RTL4: variants seen among roughly 807,000 people sequenced by gnomAD.
RTL4 encodes the protein retrotransposon Gag-like protein 4.
Under a neutral mutation model 5.3 loss-of-function variants are expected in RTL4, and 4 were observed. The ratio of observed to expected loss-of-function variants is 0.75; its 90% CI spans 0.37 to 1.72. The LOEUF (loss-of-function observed/expected upper bound fraction) is 1.72, where lower values mean the gene tolerates loss of function less well. RTL4 is among the 40% of genes most tolerant of loss of function. The pLI, the probability that RTL4 is intolerant of heterozygous loss-of-function variation, is 0.04. For synonymous variants in RTL4, 98 were observed against 87.3 expected (o/e 1.12, Z -0.68); for missense variants, 260 against 227.1 (o/e 1.14, Z -0.93).
the RTL4 span, among the ~76,000 whole-genome samples, chrX:112,428,416 G>A: frequency 5.4e-5 from 6 of 111,881 alleles, no homozygotes; most frequent in Non-Finnish European, 1.1e-4. Flanking sequence ...TTTGACCCAT[G>A]TATTTTTTAG....
At chrX:112,254,230 G>A in the RTL4 span, among the ~76,000 whole-genome samples, 1 of 111,763 alleles carries the variant, frequency 8.9e-6, no homozygotes, top group Non-Finnish European at 1.9e-5. Context: ...ATTCTGTTTA[G>A]ATGATGTAAA....
chrX:112,288,151 G>A, the RTL4 span, among the ~76,000 whole-genome samples: 1 of 111,965 alleles, frequency 8.9e-6, no homozygotes, highest in African/African-American at 3.2e-5. Flanking sequence ...ATGGAGTTAC[G>A]ATGACTTATG....
chrX:112,275,155 A>G, the RTL4 span, among the ~76,000 whole-genome samples: 5,981 of 105,664 alleles, frequency 0.057, 409 homozygotes, highest in African/African-American at 0.19. Flanking sequence ...TAACATTTTA[A>G]TTTGATCTCA....
the RTL4 span, among the ~76,000 whole-genome samples, chrX:112,379,530 C>T: frequency 3.6e-5 from 4 of 111,942 alleles, no homozygotes; most frequent in South Asian, 1.5e-3. Flanking sequence ...ATTGTACTGG[C>T]TAAGACATCA....
the RTL4 span, among the ~76,000 whole-genome samples, chrX:112,256,730 T>G: frequency 8.9e-6 from 1 of 112,182 alleles, no homozygotes; most frequent in Admixed American, 9.5e-5. Context: ...CATAAGAGAC[T>G]TACACTTCTG....
At chrX:112,394,421 C>T in the RTL4 span, among the ~76,000 whole-genome samples, 15 of 111,178 alleles carry the variant, frequency 1.3e-4, no homozygotes, top group African/African-American at 4.3e-4. Flanking sequence ...CTTTTGCCTC[C>T]TCTGACTGTA....
At chrX:112,290,696 G>A in the RTL4 span, among the ~76,000 whole-genome samples, 2 of 112,073 alleles carry the variant, frequency 1.8e-5, no homozygotes, top group Non-Finnish European at 3.8e-5. Context: ...ATTTCCTGTT[G>A]ATAATTTGAG....
the RTL4 span, among the ~76,000 whole-genome samples, chrX:112,435,763 A>T: frequency 8.9e-6 from 1 of 112,617 alleles, no homozygotes; most frequent in African/African-American, 3.2e-5. Flanking sequence ...AAAAACTTTT[A>T]AAATTTGTTT....
At chrX:112,352,910 G>T in the RTL4 span, among the ~76,000 whole-genome samples, 1 of 111,319 alleles carries the variant, frequency 9.0e-6, no homozygotes, top group Non-Finnish European at 1.9e-5. Context: ...CAAAATGGGA[G>T]AAAATTTTCG....
chrX:112,212,192 C>T, the RTL4 span, among the ~76,000 whole-genome samples: 1 of 111,205 alleles, frequency 9.0e-6, no homozygotes, highest in Non-Finnish European at 1.9e-5. Context: ...CTGGCGAACA[C>T]GGTGAAACCC....
the RTL4 span, among the ~76,000 whole-genome samples, chrX:112,140,459 T>C: frequency 1.8e-5 from 2 of 111,929 alleles, no homozygotes; most frequent in South Asian, 3.7e-4. Context: ...GAGTGGGTAA[T>C]TAAAAGCAAC....
At chrX:112,259,835 A>C in the RTL4 span, among the ~76,000 whole-genome samples, 5 of 111,820 alleles carry the variant, frequency 4.5e-5, no homozygotes, top group Non-Finnish European at 9.4e-5. Flanking sequence ...ACCAGAGCAT[A>C]ATATATTTTC....
At chrX:112,210,433 AC>A in the RTL4 span, among the ~76,000 whole-genome samples, 2 of 112,381 alleles carry the variant, frequency 1.8e-5, no homozygotes, top group African/African-American at 6.5e-5. Context: ...TGGAAAAAAA[AC>A]ACATGGCATA....
At chrX:112,226,741 T>C in the RTL4 span, among the ~76,000 whole-genome samples, 87 of 109,875 alleles carry the variant, frequency 7.9e-4, no homozygotes, top group African/African-American at 2.7e-3. Context: ...CAGACAAATG[T>C]CATTCATACT....
chrX:112,234,876 G>A, the RTL4 span, among the ~76,000 whole-genome samples: 1 of 111,669 alleles, frequency 9.0e-6, no homozygotes, highest in Non-Finnish European at 1.9e-5. Context: ...GGAGAGAAGT[G>A]CACAGTAGAG....
At chrX:112,245,378 G>A in the RTL4 span, among the ~76,000 whole-genome samples, 4 of 111,247 alleles carry the variant, frequency 3.6e-5, no homozygotes, top group South Asian at 1.6e-3. Context: ...ATATTTCTTG[G>A]AGGCTTTGTT....
the RTL4 span, among the ~76,000 whole-genome samples, chrX:112,149,293 G>T: frequency 1.8e-5 from 2 of 111,502 alleles, no homozygotes; most frequent in South Asian, 7.6e-4. Flanking sequence ...CAATAAAAAT[G>T]ATAAGTAAAA....
chrX:112,096,025 G>A, the RTL4 span, among the ~76,000 whole-genome samples: 1 of 111,762 alleles, frequency 8.9e-6, no homozygotes, highest in Non-Finnish European at 1.9e-5. Flanking sequence ...TTAGCCAAAT[G>A]ACAGGTGCCT....
chrX:112,234,980 A>T, the RTL4 span, among the ~76,000 whole-genome samples: 4 of 111,250 alleles, frequency 3.6e-5, no homozygotes, highest in Non-Finnish European at 7.5e-5. Context: ...TTGGCTGCTT[A>T]GGTGTGTTTG....
Sources: allele counts gnomAD v4.1 joint callset (sites outside exome capture counted in the v4.1 genomes callset), GRCh38; gene constraint gnomAD v4.1.1; transcripts MANE v1.5; gene names NCBI Gene and HGNC (gene_info 2026-07-23, HGNC 2026-07-21).